Variants in C1orf185 observed in about 807,000 individuals in gnomAD.
C1orf185 encodes the protein uncharacterized protein C1orf185.
In C1orf185, 13 loss-of-function variants were observed where a neutral mutation model predicts 16.1. The ratio of observed to expected loss-of-function variants is 0.81; its 90% CI spans 0.53 to 1.28. The LOEUF (loss-of-function observed/expected upper bound fraction) is 1.28. Ranked by LOEUF, C1orf185 falls within the 50% of genes most tolerant of loss-of-function variation. The pLI, the probability that C1orf185 is intolerant of heterozygous loss-of-function variation, is 0.00. For missense variants in C1orf185, 220 were observed against 225.2 expected (o/e 0.98, Z 0.15); for synonymous variants, 80 against 76.9 (o/e 1.04, Z -0.21).
chr1:51,124,955 A>C (rs1646228714), intron 3 of C1orf185, among the ~76,000 whole-genome samples: 2 of 152,208 alleles, frequency 1.3e-5, no homozygotes, highest in African/African-American at 4.8e-5. Context: ...TTAATCTTAA[A>C]GGGTCTGTGG....
intron 3 of C1orf185, among the ~76,000 whole-genome samples, chr1:51,133,769 C>T (rs1646302816): frequency 6.6e-6 from 1 of 152,266 alleles, no homozygotes. Flanking sequence ...CTCATTGCCA[C>T]ATGGCACATA....
At chr1:51,110,446 T>C (rs1646107844) in intron 1 of C1orf185, among the ~76,000 whole-genome samples, 1 of 152,240 alleles carries the variant, frequency 6.6e-6, no homozygotes, top group African/African-American at 2.4e-5. Context: ...TAGACATTTC[T>C]GATCTCAAAG....
In C1orf185 at chr1:51,136,737, A is replaced by G. The variant is rs145189380; in HGVS notation, c.259-8987A>G. Among the ~76,000 whole-genome samples, 555 of 152,248 alleles carry G rather than the reference A, an allele frequency of 3.6e-3. 1 individual carries two copies. The highest frequency in any genetic ancestry group is 4.6e-3 in the Non-Finnish European group (310 of 68,000). On this transcript the variant is annotated intron_variant, in intron 3 of 4. Coordinates refer to ENST00000371759, the MANE Select transcript of C1orf185 (RefSeq NM_001136508.2). The stretch of plus-strand genomic sequence containing the variant: ...TGAAACTGGACCCCTTCCTTATATC[A>G]TGTACAAAAATTAACTCAAGACGGA...
chr1:51,143,236 C>A (rs1646378145), intron 3 of C1orf185, among the ~76,000 whole-genome samples: 1 of 152,174 alleles, frequency 6.6e-6, no homozygotes. Flanking sequence ...TCAGACTTTA[C>A]TCTCTAGCTA....
chr1:51,147,050 T>A (rs1197642522), intron 4 of C1orf185, among the ~76,000 whole-genome samples: 1 of 152,206 alleles, frequency 6.6e-6, no homozygotes, highest in African/African-American at 2.4e-5. Flanking sequence ...TTTTAAAGAT[T>A]ACTGTAGTAG....
intron 3 of C1orf185, among the ~76,000 whole-genome samples, chr1:51,141,948 T>C (rs867030631): frequency 1.3e-5 from 2 of 152,122 alleles, no homozygotes; most frequent in South Asian, 4.1e-4. Flanking sequence ...TTTGTATTTT[T>C]AGTAGAGACA....
intron 2 of C1orf185, among the ~76,000 whole-genome samples, chr1:51,118,188 G>GGCGTATTACAGGTGTACGCTTGGT (rs1646171345): frequency 1.3e-5 from 2 of 152,212 alleles, no homozygotes; most frequent in Non-Finnish European, 2.9e-5. Flanking sequence ...CCAAAGTGCT[G>GGCGTATTACAGGTGTACGCTTGGT]GGATTACAGG....
chr1:51,123,994 C>A (rs553261967), intron 3 of C1orf185, among the ~76,000 whole-genome samples: 12 of 150,044 alleles, frequency 8.0e-5, no homozygotes, highest in African/African-American at 2.0e-4. Flanking sequence ...AGAGAGAGAG[C>A]GAGCAATAAT....
Position 51,118,719 on chromosome 1 carries a change from G to A in C1orf185, c.176G>A (p.Arg59Lys), listed in dbSNP as rs866801787. ...FKAIDERCRQ[R>K]PSMAKIKSHS... ...GCAATTGATGAGAGATGCAGGCAAA[G>A]ACCATCAATGGCGAAGATTAAATCT... The change falls in exon 3 of 5, where the codon AGA (arginine) becomes AAA (lysine). Residue 59 changes from arginine to lysine, a missense_variant. Transcript: ENST00000371759. The A allele has an allele frequency of 6.7e-7, 1 of 1,490,056 alleles. No homozygotes were observed. The highest frequency in any genetic ancestry group is 9.0e-7 in the Non-Finnish European group (1 of 1,111,432). The allele number at this position is 1,490,056 out of a possible 1,614,324, so 92.3% of individuals were successfully genotyped here. A position where few individuals can be genotyped will look rare whatever the true frequency, so the allele number is the denominator to read the frequency against.
chr1:51,108,942 G>T (rs1169772156), intron 1 of C1orf185, among the ~76,000 whole-genome samples: 1 of 152,144 alleles, frequency 6.6e-6, no homozygotes, highest in Non-Finnish European at 1.5e-5. Flanking sequence ...ATATGCAGAA[G>T]TGGAATTGCT....
At chr1:51,134,485 A>G (rs1236080232) in intron 3 of C1orf185, among the ~76,000 whole-genome samples, 1 of 151,450 alleles carries the variant, frequency 6.6e-6, no homozygotes. Flanking sequence ...GAAAGAACCA[A>G]AATCAGAGCT....
chr1:51,103,429 A>G (rs535212482), intron 1 of C1orf185, among the ~76,000 whole-genome samples: 8 of 149,640 alleles, frequency 5.3e-5, no homozygotes, highest in Non-Finnish European at 1.2e-4. Flanking sequence ...ACACACACAC[A>G]CACACACACA....
At chr1:51,115,895 A>T (rs78132596) in intron 2 of C1orf185, among the ~76,000 whole-genome samples, 2,245 of 152,220 alleles carry the variant, frequency 0.015, 55 homozygotes, top group African/African-American at 0.05. Flanking sequence ...TTGTTGACAG[A>T]TTGGATGAAA....
At chr1:51,113,116 G>A (rs1189488892) in intron 2 of C1orf185, among the ~76,000 whole-genome samples, 2 of 151,878 alleles carry the variant, frequency 1.3e-5, no homozygotes, top group Non-Finnish European at 2.9e-5. Context: ...ACCACACCCG[G>A]CCTTTATTTT....
At chr1:51,129,301 C>T (rs1646266456) in intron 3 of C1orf185, among the ~76,000 whole-genome samples, 1 of 152,160 alleles carries the variant, frequency 6.6e-6, no homozygotes, top group African/African-American at 2.4e-5. Context: ...CCGCTGCACC[C>T]AGCCCATGCT....
intron 1 of C1orf185, among the ~76,000 whole-genome samples, chr1:51,107,658 G>A (rs2148008779): frequency 6.6e-6 from 1 of 152,228 alleles, no homozygotes. Flanking sequence ...TAAGTTTGAT[G>A]AAGTTTCAGT....
intron 3 of C1orf185, among the ~76,000 whole-genome samples, chr1:51,122,490 A>T (rs1179573363): frequency 6.6e-6 from 1 of 152,216 alleles, no homozygotes; most frequent in East Asian, 1.9e-4. Context: ...CAGAAAGTAC[A>T]GAGTCCCACT....
intron 3 of C1orf185, among the ~76,000 whole-genome samples, chr1:51,144,776 ACAGGCAAATG>A (rs1179544470): frequency 2.0e-5 from 3 of 152,120 alleles, no homozygotes; most frequent in Non-Finnish European, 4.4e-5. Flanking sequence ...TTTTTGGGAG[ACAGGCAAATG>A]CAGATCAGCA....
At chr1:51,108,651 C>G (rs1444723729) in intron 1 of C1orf185, among the ~76,000 whole-genome samples, 5 of 152,116 alleles carry the variant, frequency 3.3e-5, no homozygotes, top group Non-Finnish European at 7.4e-5. Flanking sequence ...CCTTTTTAAG[C>G]TCCCACATAT....
Sources: allele counts gnomAD v4.1 joint callset (sites outside exome capture counted in the v4.1 genomes callset), GRCh38; gene constraint gnomAD v4.1.1; transcripts MANE v1.5; gene names NCBI Gene and HGNC (gene_info 2026-07-23, HGNC 2026-07-21).